Variants in FAM13B observed in about 807,000 individuals in gnomAD.
FAM13B encodes protein FAM13B.
FAM13B carries 60 observed loss-of-function variants against 117.3 expected under a neutral mutation model. The observed-to-expected ratio is 0.51, with a 90% confidence interval of 0.42 to 0.63. The LOEUF (loss-of-function observed/expected upper bound fraction) is 0.63. Ranked by LOEUF, FAM13B falls within the 30% of genes least tolerant of loss-of-function variation. The pLI is 0.00. For synonymous variants in FAM13B, 332 were observed against 356.1 expected (o/e 0.93, Z 0.76); for missense variants, 972 against 1,091.9 (o/e 0.89, Z 1.55).
chr5:137,950,571 T>C (rs1470921363), intron 17 of FAM13B, among the ~76,000 whole-genome samples: 1 of 152,180 alleles, frequency 6.6e-6, no homozygotes, highest in African/African-American at 2.4e-5. Context: ...TCTTGCCCTG[T>C]CACCCTGGCT....
Position 138,019,051 on chromosome 5 carries a change from A to G in FAM13B, c.61T>C (p.Phe21Leu). 2 of 1,614,088 alleles carry G rather than the reference A, an allele frequency of 1.2e-6. No homozygotes were observed. The highest frequency in any genetic ancestry group is 1.7e-6 in the Non-Finnish European group (2 of 1,179,992). The change falls in exon 3 of 24, where the codon TTT (phenylalanine) becomes CTT (leucine). Residue 21 changes from phenylalanine to leucine, a missense_variant. Coordinates refer to ENST00000689681, the MANE Select transcript of FAM13B (RefSeq NM_001385994.1). ...NCNSVLANKI[F>L]GIPLDELQQG... The stretch of plus-strand genomic sequence containing the variant: ...TGCAGCTCATCAAGTGGAATTCCAA[A>G]TATTTTGTTAGCAAGAACGGAGTTG...
intron 4 of FAM13B, 22 bp from the exon 5 acceptor site, chr5:138,011,967 T>G (rs1784131749): frequency 6.6e-7 from 1 of 1,512,804 alleles, no homozygotes. Flanking sequence ...TAATAACAGG[T>G]TTTTTTCAAT....
intron 1 of FAM13B, among the ~76,000 whole-genome samples, chr5:138,050,053 G>T (rs896536116): frequency 6.6e-6 from 1 of 151,884 alleles, no homozygotes; most frequent in Non-Finnish European, 1.5e-5. Flanking sequence ...TGAGGGGATC[G>T]CTTGAGTCCA....
intron 10 of FAM13B, among the ~76,000 whole-genome samples, chr5:137,973,693 A>C (rs376896173): frequency 1.3e-5 from 2 of 150,820 alleles, no homozygotes; most frequent in Admixed American, 1.3e-4. Flanking sequence ...GAAAATTTTC[A>C]CAACCTACTC....
chr5:138,021,202 A>G lies in FAM13B; in HGVS notation c.-202-5T>C, dbSNP rs974061529. 34 of 1,231,436 alleles carry G rather than the reference A, an allele frequency of 2.8e-5. No individual in the cohort carries two copies. The highest frequency in any genetic ancestry group is 2.2e-4 in the East Asian group (7 of 31,702). 76.3% of individuals were successfully genotyped at this position (1,231,436 alleles called of 1,614,324 possible). A position where few individuals can be genotyped will look rare whatever the true frequency, so the allele number is the denominator to read the frequency against. Reference sequence around the variant, plus strand: ...ATCAGTACTTCAGCAGTTAATCTACAAGACAAAAACAATTATTTCAATTTC... The same window carrying G: ...ATCAGTACTTCAGCAGTTAATCTACGAGACAAAAACAATTATTTCAATTTC... On this transcript the variant is annotated splice_polypyrimidine_tract_variant and splice_region_variant and intron_variant, in intron 1 of 23. Transcript: ENST00000689681.
chr5:138,039,974 G>A (rs1791430748), intron 1 of FAM13B: 1 of 151,900 alleles, frequency 6.6e-6, no homozygotes, highest in African/African-American at 2.4e-5. Context: ...TTCATAGAAA[G>A]AAACCAACCT....
intron 5 of FAM13B, among the ~76,000 whole-genome samples, chr5:138,011,422 C>CTT (rs1215771958): frequency 6.9e-6 from 1 of 145,004 alleles, no homozygotes. Context: ...TCTAATTTTT[C>CTT]TTTTTTTTTT....
rs1464658956 is a variant in FAM13B, at chr5:138,018,530, G to A, written c.158-16C>T. Reference sequence around the variant, plus strand: ...TCCAGACCTCCTACGTTAGTTCAAGGCAATCATTCAATAAGCTGCAATGTC... The same window carrying A: ...TCCAGACCTCCTACGTTAGTTCAAGACAATCATTCAATAAGCTGCAATGTC... On this transcript the variant is annotated splice_polypyrimidine_tract_variant and intron_variant, in intron 3 of 23. Coordinates refer to ENST00000689681, the MANE Select transcript of FAM13B (RefSeq NM_001385994.1). 6.2e-7 allele frequency: 1 copy of A among 1,607,028 alleles called. No homozygotes were observed. Among genetic ancestry groups the A allele is most frequent in the Non-Finnish European group, 8.5e-7 (1 of 1,174,078 alleles).
intron 6 of FAM13B, among the ~76,000 whole-genome samples, chr5:138,007,702 A>T (rs1581236043): frequency 9.5e-6 from 1 of 105,602 alleles, no homozygotes; most frequent in African/African-American, 3.5e-5. Flanking sequence ...TATTTTGACC[A>T]GTAAGCACAA....
chr5:137,967,529 A>C (rs1433673409), intron 10 of FAM13B, among the ~76,000 whole-genome samples: 2 of 152,152 alleles, frequency 1.3e-5, no homozygotes, highest in Admixed American at 6.5e-5. Flanking sequence ...TCTCAAAAAA[A>C]AAATGTACAA....
intron 10 of FAM13B, among the ~76,000 whole-genome samples, chr5:137,963,187 A>T (rs1365596231): frequency 3.3e-5 from 5 of 152,244 alleles, no homozygotes; most frequent in African/African-American, 4.8e-5. Flanking sequence ...CTGCAAAAAA[A>T]GCTGTTAAAA....
At chr5:137,953,018 C>G (rs1193091571) in intron 16 of FAM13B, among the ~76,000 whole-genome samples, 1 of 152,184 alleles carries the variant, frequency 6.6e-6, no homozygotes, top group Non-Finnish European at 1.5e-5. Flanking sequence ...CTCTCCTCCC[C>G]ACTTGGTACT....
At chr5:137,942,756 C>G (rs573794562) in intron 22 of FAM13B, 119 bp downstream of exon 22, 3 of 774,050 alleles carry the variant, frequency 3.9e-6, no homozygotes, top group African/African-American at 1.8e-5. Context: ...AAGCATGTGT[C>G]CTTTGATAAA....
intron 17 of FAM13B, among the ~76,000 whole-genome samples, chr5:137,950,479 T>C (rs1057183801): frequency 2.0e-5 from 3 of 152,144 alleles, no homozygotes; most frequent in African/African-American, 7.2e-5. Flanking sequence ...TAAGGAGTTT[T>C]GACTTTATTC....
At chr5:138,019,284 G>A (rs1018561038) in intron 2 of FAM13B, 138 bp from the exon 3 acceptor site, 41 of 685,046 alleles carry the variant, frequency 6.0e-5, no homozygotes, top group African/African-American at 5.6e-4. Context: ...CCCATAGTGT[G>A]TTCTACAGAT....
intron 1 of FAM13B, among the ~76,000 whole-genome samples, chr5:138,022,171 T>C (rs551112608): frequency 6.6e-6 from 1 of 151,530 alleles, no homozygotes; most frequent in East Asian, 1.9e-4. Context: ...TTAGTTTAAC[T>C]GAGATAACAT....
At chr5:138,040,971 G>A (rs1451655331) in intron 1 of FAM13B, among the ~76,000 whole-genome samples, 2 of 151,580 alleles carry the variant, frequency 1.3e-5, no homozygotes, top group African/African-American at 4.9e-5. Flanking sequence ...GGCTAAGGCA[G>A]GAGAATCACT....
chr5:138,007,043 T>C lies in FAM13B; in HGVS notation c.795A>G (p.Val265=), dbSNP rs755711180. 5.0e-6 allele frequency: 8 copies of C among 1,613,298 alleles called. No individual in the cohort carries two copies. In the East Asian group the frequency reaches 1.3e-4, roughly 27 times the overall value. The change falls in exon 7 of 24, where the codon GTA becomes GTG. Residue 265 remains valine (V), a synonymous_variant. Coordinates refer to ENST00000689681, the MANE Select transcript of FAM13B (RefSeq NM_001385994.1). ...GGATGTTTTCAGTCATCCTTAATTGTACCACCTCTGGCATGTCATTTGATT... is the reference window on the plus strand; with the variant it reads ...GGATGTTTTCAGTCATCCTTAATTGCACCACCTCTGGCATGTCATTTGATT... The part of the protein sequence containing the change: ...AEKSNDMPEV[V]QLRMTENILE...
chr5:138,000,799 C>T (rs1004048607), intron 7 of FAM13B, among the ~76,000 whole-genome samples: 1 of 151,836 alleles, frequency 6.6e-6, no homozygotes, highest in Non-Finnish European at 1.5e-5. Flanking sequence ...GGTGTGGTGG[C>T]GCACATCTGT....
Sources: allele counts gnomAD v4.1 joint callset (sites outside exome capture counted in the v4.1 genomes callset), GRCh38; gene constraint gnomAD v4.1.1; transcripts MANE v1.5; gene names NCBI Gene and HGNC (gene_info 2026-07-23, HGNC 2026-07-21).